CCSER1: variants seen among roughly 807,000 people sequenced by gnomAD.
The protein encoded by CCSER1 is coiled-coil serine rich protein 1, also known as serine-rich coiled-coil domain-containing protein 1.
CCSER1 carries 41 observed loss-of-function variants against 82.0 expected under a neutral mutation model. The observed-to-expected ratio is 0.50, with a 90% CI of 0.39 to 0.65. The LOEUF (loss-of-function observed/expected upper bound fraction) is 0.65. CCSER1 is among the 30% of genes least tolerant of loss of function. The pLI is 0.00. For missense variants in CCSER1, 1,119 were observed against 1,064.2 expected (o/e 1.05, Z -0.72); for synonymous variants, 414 against 383.9 (o/e 1.08, Z -0.92).
chr4:91,060,892 A>G (rs1249058995), intron 9 of CCSER1, among the ~76,000 whole-genome samples: 3 of 152,068 alleles, frequency 2.0e-5, no homozygotes, highest in Non-Finnish European at 4.4e-5. Context: ...GCCATTGTGA[A>G]AATGTTTTGA....
At chr4:91,197,550 G>A (rs924513738) in intron 10 of CCSER1, among the ~76,000 whole-genome samples, 6 of 152,146 alleles carry the variant, frequency 3.9e-5, no homozygotes, top group Admixed American at 6.6e-5. Context: ...CTGAAGTAGT[G>A]TAAAAATTTT....
At chr4:91,413,273 T>G (rs1483583715) in intron 10 of CCSER1, among the ~76,000 whole-genome samples, 1 of 151,996 alleles carries the variant, frequency 6.6e-6, no homozygotes, top group East Asian at 1.9e-4. Context: ...CAAGACCTTA[T>G]CTCTACAAAA....
chr4:91,402,412 G>A (rs1325836717), intron 10 of CCSER1, among the ~76,000 whole-genome samples: 1 of 152,138 alleles, frequency 6.6e-6, no homozygotes, highest in Non-Finnish European at 1.5e-5. Context: ...GATCCCATTT[G>A]TCTATTTTGG....
At chr4:90,674,499 A>G (rs36035103) in intron 6 of CCSER1, among the ~76,000 whole-genome samples, 14,730 of 151,988 alleles carry the variant, frequency 0.097, 1,321 homozygotes, top group African/African-American at 0.24. Context: ...GATGAAATGG[A>G]CAGTCATTCG....
chr4:90,473,080 C>T (rs1345908909), intron 5 of CCSER1, among the ~76,000 whole-genome samples: 7 of 152,278 alleles, frequency 4.6e-5, no homozygotes, highest in Non-Finnish European at 2.9e-5. Flanking sequence ...CTACACTCAG[C>T]ATGTTCCTCA....
intron 1 of CCSER1, among the ~76,000 whole-genome samples, chr4:90,246,001 T>A (rs1262606901): frequency 6.6e-6 from 1 of 152,208 alleles, no homozygotes; most frequent in Non-Finnish European, 1.5e-5. Flanking sequence ...TATTCAGTCA[T>A]CCTGAAATAG....
chr4:90,556,405 G>C (rs1220085049), intron 5 of CCSER1, among the ~76,000 whole-genome samples: 1 of 152,024 alleles, frequency 6.6e-6, no homozygotes, highest in African/African-American at 2.4e-5. Context: ...AAAATACCTA[G>C]GCTTATTCAG....
intron 3 of CCSER1, among the ~76,000 whole-genome samples, chr4:90,322,954 A>T (rs935245653): frequency 3.9e-5 from 6 of 152,084 alleles, no homozygotes; most frequent in Non-Finnish European, 8.8e-5. Context: ...GCAAGGTCCA[A>T]ATGTTCTTTA....
chr4:90,792,825 C>A (rs892155694), intron 7 of CCSER1, among the ~76,000 whole-genome samples: 1 of 152,168 alleles, frequency 6.6e-6, no homozygotes, highest in Non-Finnish European at 1.5e-5. Flanking sequence ...TTAGATACTT[C>A]CAAGGGCTCT....
At chr4:90,786,608 CAA>C (rs1264312162) in intron 7 of CCSER1, among the ~76,000 whole-genome samples, 1 of 152,116 alleles carries the variant, frequency 6.6e-6, no homozygotes, top group Non-Finnish European at 1.5e-5. Flanking sequence ...CATTTACAAA[CAA>C]AGTGTATTTT....
intron 3 of CCSER1, among the ~76,000 whole-genome samples, chr4:90,328,391 T>A (rs1738617692): frequency 6.6e-6 from 1 of 152,188 alleles, no homozygotes; most frequent in Non-Finnish European, 1.5e-5. Flanking sequence ...TACAACTATA[T>A]TTCAGCCTGC....
At chr4:90,824,875 T>C (rs1317836744) in intron 8 of CCSER1, among the ~76,000 whole-genome samples, 2 of 152,172 alleles carry the variant, frequency 1.3e-5, no homozygotes, top group Non-Finnish European at 2.9e-5. Flanking sequence ...CAGGCTACTT[T>C]CCTTCTTTTT....
chr4:91,258,872 C>G (rs1740895957), intron 10 of CCSER1, among the ~76,000 whole-genome samples: 1 of 152,026 alleles, frequency 6.6e-6, no homozygotes, highest in Admixed American at 6.6e-5. Context: ...CCATGGTCAT[C>G]AATGTACTGA....
intron 10 of CCSER1, chr4:91,112,536 A>G (rs1289758138): frequency 1.3e-5 from 2 of 152,024 alleles, no homozygotes. Flanking sequence ...TTAGTTTTCT[A>G]TTTCATTTAA....
intron 7 of CCSER1, among the ~76,000 whole-genome samples, chr4:90,730,173 A>C (rs1744439815): frequency 6.6e-6 from 1 of 152,234 alleles, no homozygotes; most frequent in African/African-American, 2.4e-5. Flanking sequence ...TATGTAAAAG[A>C]ATACATTTGG....
chr4:90,922,312 A>T (rs1728500707), intron 8 of CCSER1, among the ~76,000 whole-genome samples: 1 of 151,956 alleles, frequency 6.6e-6, no homozygotes, highest in South Asian at 2.1e-4. Flanking sequence ...GAGAAGAGGG[A>T]AGGGGAAGGA....
intron 10 of CCSER1, among the ~76,000 whole-genome samples, chr4:91,352,911 G>T (rs1296082496): frequency 1.3e-5 from 2 of 152,080 alleles, no homozygotes; most frequent in East Asian, 3.9e-4. Context: ...AATGAACATA[G>T]TAATATACAA....
chr4:90,953,677 T>C (rs112566630), intron 9 of CCSER1, among the ~76,000 whole-genome samples: 63 of 151,936 alleles, frequency 4.1e-4, no homozygotes, highest in African/African-American at 1.5e-3. Flanking sequence ...TATGTGTATA[T>C]TTACATCCAT....
intron 10 of CCSER1, among the ~76,000 whole-genome samples, chr4:91,536,469 C>T (rs1286968304): frequency 2.0e-5 from 3 of 151,976 alleles, no homozygotes; most frequent in Non-Finnish European, 2.9e-5. Context: ...CTTTTTCTAC[C>T]CTGCTTTGCT....
Sources: gnomAD v4.1 joint callset for allele counts (sites outside exome capture counted in the v4.1 genomes callset) on GRCh38, gnomAD v4.1.1 for gene constraint, MANE v1.5 for transcripts, NCBI Gene and HGNC (gene_info 2026-07-23, HGNC 2026-07-21) for gene names.